Variants in FBN2 observed in about 807,000 individuals in gnomAD.
FBN2 encodes fibrillin-2.
Under a neutral mutation model 355.6 loss-of-function variants are expected in FBN2, and 105 were observed. That is an observed-to-expected ratio of 0.30 (90% CI 0.25 to 0.35). The LOEUF is 0.35. Among genes scored for constraint, FBN2 ranks in the 10% least tolerant of loss-of-function variants. The probability of loss-of-function intolerance (pLI) is 1.00; values close to 1 mark genes in which losing one functional copy is unlikely to be tolerated. For synonymous variants in FBN2, 1,350 were observed against 1,301.2 expected, an observed-to-expected ratio of 1.04 and a Z score of -0.81; for missense variants, 3,280 against 3,758.7, an observed-to-expected ratio of 0.87 and a Z score of 3.33.
intron 55 of FBN2, among the ~76,000 whole-genome samples, chr5:128,282,483 G>A (rs1424005863): frequency 6.6e-6 from 1 of 151,852 alleles, no homozygotes; most frequent in Non-Finnish European, 1.5e-5. Context: ...TGAACTAAAA[G>A]CGTTCTTGGA....
chr5:128,269,254 A>T (rs942730579), intron 62 of FBN2, among the ~76,000 whole-genome samples: 10 of 147,730 alleles, frequency 6.8e-5, no homozygotes, highest in African/African-American at 1.2e-4. Flanking sequence ...GTCTCTACTA[A>T]AAATACAATA....
chr5:128,414,540 G>C (rs1581274110), intron 7 of FBN2, among the ~76,000 whole-genome samples: 1 of 151,880 alleles, frequency 6.6e-6, no homozygotes, highest in East Asian at 1.9e-4. Context: ...TGAATACTTG[G>C]GTTATTTCCA....
chr5:128,366,625 A>G lies in FBN2; in HGVS notation c.2249-195T>C, dbSNP rs140295103. Among the ~76,000 whole-genome samples, 560 of 152,196 alleles carry G rather than the reference A, an allele frequency of 3.7e-3. 3 individuals carry two copies. The highest frequency in any genetic ancestry group is 0.013 in the African/African-American group (526 of 41,548). ...TATAAATAAGCATAAAAGAGTAAAA[A>G]TCACTTGTAATCATCATCCTGAATA... On this transcript the variant is annotated intron_variant, in intron 16 of 64. Transcript: ENST00000262464.
intron 25 of FBN2, among the ~76,000 whole-genome samples, chr5:128,343,555 G>A (rs1751087381): frequency 6.6e-6 from 1 of 152,188 alleles, no homozygotes; most frequent in Non-Finnish European, 1.5e-5. Context: ...TGCTGAGAAC[G>A]AGATCCTGAA....
At chr5:128,419,292 G>T (rs754806936) in intron 7 of FBN2, among the ~76,000 whole-genome samples, 1 of 152,062 alleles carries the variant, frequency 6.6e-6, no homozygotes, top group Non-Finnish European at 1.5e-5. Context: ...TCCAGTCCGG[G>T]TAACTTTTAT....
intron 7 of FBN2, among the ~76,000 whole-genome samples, chr5:128,439,982 CCT>C (rs1753875472): frequency 6.6e-6 from 1 of 151,866 alleles, no homozygotes; most frequent in Admixed American, 6.6e-5. Context: ...CAAATAATAC[CCT>C]GTCATCTCAA....
chr5:128,346,829 C>T (rs546953586), intron 23 of FBN2, among the ~76,000 whole-genome samples: 17 of 152,198 alleles, frequency 1.1e-4, no homozygotes, highest in Middle Eastern at 3.4e-3. Flanking sequence ...ATCCCAGCTA[C>T]CTGAGAAAAA....
At chr5:128,388,078 C>A (rs192883221) in intron 11 of FBN2, among the ~76,000 whole-genome samples, 2 of 151,976 alleles carry the variant, frequency 1.3e-5, no homozygotes, top group African/African-American at 4.8e-5. Flanking sequence ...TTGCACTGAA[C>A]CTTTATTATT....
At chr5:128,511,469 T>A (rs1756126084) in intron 5 of FBN2, among the ~76,000 whole-genome samples, 1 of 152,184 alleles carries the variant, frequency 6.6e-6, no homozygotes, top group African/African-American at 2.4e-5. Flanking sequence ...ACCTTTATTA[T>A]CTCTATACTT....
chr5:128,515,636 T>C (rs1282091787), intron 5 of FBN2, among the ~76,000 whole-genome samples: 3 of 152,182 alleles, frequency 2.0e-5, no homozygotes, highest in African/African-American at 7.2e-5. Flanking sequence ...CTATTTTCAT[T>C]TTACATAAAG....
chr5:128,349,469 A>G lies in FBN2; in HGVS notation c.2867T>C (p.Val956Ala), dbSNP rs1751285690. Residue 956 changes from valine to alanine, a missense_variant, in exon 23 of 65, where the codon GTT becomes GCT. Coordinates refer to ENST00000262464, the MANE Select transcript of FBN2 (RefSeq NM_001999.4). ...ARIKGVTCED[V>A]NECEVFPGVC... is the part of the protein sequence containing the mutation. Reference sequence around the variant, plus strand: ...GCCAGGGAACACCTCACACTCATTAACATCTGCAGGGAAATGCAGCAAGCA... The same window carrying G: ...GCCAGGGAACACCTCACACTCATTAGCATCTGCAGGGAAATGCAGCAAGCA... The G allele has an allele frequency of 6.2e-7, 1 of 1,613,842 alleles. No homozygotes were observed. Among genetic ancestry groups the G allele is most frequent in the African/African-American group, 1.3e-5 (1 of 74,934 alleles).
chr5:128,273,810 G>A, intron 61 of FBN2, 30 bp downstream of exon 61: 1 of 1,606,982 alleles, frequency 6.2e-7, no homozygotes, highest in Non-Finnish European at 8.5e-7. Context: ...ACTGTTATTA[G>A]ATTAAGAATT....
chr5:128,351,576 C>T (rs1252365879), intron 20 of FBN2, among the ~76,000 whole-genome samples: 2 of 151,728 alleles, frequency 1.3e-5, no homozygotes, highest in African/African-American at 4.8e-5. Flanking sequence ...ATTTTAATAG[C>T]ATATACTTTG....
At chr5:128,412,650 G>A (rs1193729876) in intron 7 of FBN2, among the ~76,000 whole-genome samples, 3 of 152,200 alleles carry the variant, frequency 2.0e-5, no homozygotes, top group South Asian at 4.1e-4. Flanking sequence ...AATGCACAGT[G>A]TACTAGAACA....
chr5:128,417,971 T>G (rs1044427101), intron 7 of FBN2, among the ~76,000 whole-genome samples: 7 of 152,122 alleles, frequency 4.6e-5, no homozygotes, highest in Non-Finnish European at 1.0e-4. Context: ...TTTTCTTTGT[T>G]GGGAGATGTT....
At chr5:128,294,014 A>T (rs920810684) in intron 48 of FBN2, among the ~76,000 whole-genome samples, 1 of 150,502 alleles carries the variant, frequency 6.6e-6, no homozygotes. Flanking sequence ...CAGTCCCCAG[A>T]GTGTGATGTT....
chr5:128,368,437 C>CATATATATACACATATATATACAT (rs1215643724), intron 16 of FBN2, among the ~76,000 whole-genome samples: 12 of 97,726 alleles, frequency 1.2e-4, no homozygotes, highest in East Asian at 8.5e-4. Flanking sequence ...TATATATACA[C>CATATATATACACATATATATACAT]ATATATACAT....
intron 31 of FBN2, among the ~76,000 whole-genome samples, chr5:128,333,833 C>T (rs964386410): frequency 9.5e-5 from 11 of 115,290 alleles, no homozygotes; most frequent in African/African-American, 3.4e-4. Flanking sequence ...ATTATAGATG[C>T]TGAAATCACA....
chr5:128,341,419 T>C (rs1427322146), intron 25 of FBN2, among the ~76,000 whole-genome samples: 7 of 152,120 alleles, frequency 4.6e-5, no homozygotes, highest in Admixed American at 4.6e-4. Context: ...TGTGATACAG[T>C]AGATACTGTG....
Sources: gnomAD v4.1 joint callset for allele counts (sites outside exome capture counted in the v4.1 genomes callset) on GRCh38, gnomAD v4.1.1 for gene constraint, MANE v1.5 for transcripts, NCBI Gene and HGNC (gene_info 2026-07-23, HGNC 2026-07-21) for gene names.